The following ISM1 variants were observed in gnomAD, a reference collection of about 807,000 sequenced individuals.
The protein encoded by ISM1 is isthmin-1.
Under a neutral mutation model 46.3 loss-of-function variants are expected in ISM1, and 25 were observed. The ratio of observed to expected loss-of-function variants is 0.54; its 90% confidence interval spans 0.39 to 0.75. The LOEUF is 0.75. ISM1 is among the 30% of genes least tolerant of loss of function. The pLI is 0.00. For synonymous variants in ISM1, 255 were observed against 256.7 expected (o/e 0.99, Z 0.06); for missense variants, 536 against 625.4 (o/e 0.86, Z 1.52).
At chr20:13,270,381 G>A in intron 1 of ISM1, 123 bp from the exon 2 acceptor site, 2 of 1,077,428 alleles carry the variant, frequency 1.9e-6, no homozygotes, top group Non-Finnish European at 2.6e-6. Flanking sequence ...AGTTTGGAAT[G>A]CCCTACTGGC....
chr20:13,305,389 T>C (rs1206803028), downstream of ISM1, among the ~76,000 whole-genome samples: 1 of 152,108 alleles, frequency 6.6e-6, no homozygotes, highest in African/African-American at 2.4e-5. Flanking sequence ...AAGTGAGCAA[T>C]AGTGATCAAA....
rs757405471 is a variant in ISM1, at chr20:13,299,483, C to T, written c.*24C>T. The T allele has an allele frequency of 5.1e-6, 8 of 1,573,600 alleles. No individual in the cohort carries two copies. In the Admixed American group the frequency reaches 1.2e-4, roughly 23 times the overall value. ...AAAGAGACTGGGATGAGGTGGAGGACGCTGCCTCTGGTTCTGGAGCACACA... is the reference window on the plus strand; with the variant it reads ...AAAGAGACTGGGATGAGGTGGAGGATGCTGCCTCTGGTTCTGGAGCACACA... On this transcript the variant is annotated 3_prime_UTR_variant, in exon 6 of 6. Transcript: ENST00000262487. The surrounding 1 kb of genome is among the most constrained non-coding windows in gnomAD (Gnocchi z 5.8).
At chr20:13,303,639 C>A (rs183142204), downstream of ISM1, among the ~76,000 whole-genome samples, 78 of 152,340 alleles carry the variant, frequency 5.1e-4, no homozygotes, top group African/African-American at 1.9e-3. Context: ...GGCCTGGACT[C>A]CAATCCTGAC....
chr20:13,243,336 G>A (rs747960399), intron 1 of ISM1, among the ~76,000 whole-genome samples: 3 of 152,172 alleles, frequency 2.0e-5, no homozygotes, highest in Non-Finnish European at 4.4e-5. Context: ...GCTCAGAAGT[G>A]ACACACATCA....
At chr20:13,268,155 C>CTTCTCTTCTCTTCTCTTCT (rs1456221859) in intron 1 of ISM1, among the ~76,000 whole-genome samples, 105 of 69,090 alleles carry the variant, frequency 1.5e-3, no homozygotes, top group East Asian at 0.012. Flanking sequence ...TCTTCTCTTC[C>CTTCTCTTCTCTTCTCTTCT]CTTCCCTTCT....
chr20:13,310,323 G>T, the ISM1 span, among the ~76,000 whole-genome samples: 1 of 152,190 alleles, frequency 6.6e-6, no homozygotes, highest in Non-Finnish European at 1.5e-5. Context: ...ACACAATGGG[G>T]AAAGGGTGGT....
In ISM1 at chr20:13,280,817, G is replaced by A. The variant is rs557185671; in HGVS notation, c.643+919G>A. Among the ~76,000 whole-genome samples the A allele has an allele frequency of 3.9e-5, 6 of 152,328 alleles. No homozygotes were observed. In the East Asian group the frequency reaches 1.2e-3, roughly 29 times the overall value. ...TTCTCTGTGTGTCCAAGAAAAAGAG[G>A]AACCCAATTTGGCAAGCATCTGGCC... On this transcript the variant is annotated intron_variant, in intron 3 of 5. Transcript: ENST00000262487.
At chr20:13,248,936 G>T (rs771510800) in intron 1 of ISM1, among the ~76,000 whole-genome samples, 3 of 152,204 alleles carry the variant, frequency 2.0e-5, no homozygotes, top group African/African-American at 4.8e-5. Context: ...GAAAATACTG[G>T]TAGAAAGTGC....
chr20:13,301,351 G>A (rs2040456996), downstream of ISM1, among the ~76,000 whole-genome samples: 1 of 152,080 alleles, frequency 6.6e-6, no homozygotes, highest in Non-Finnish European at 1.5e-5. Context: ...ACCACGCCTG[G>A]CTAACTCTTG....
At chr20:13,320,312 G>T in the ISM1 span, among the ~76,000 whole-genome samples, 1 of 152,158 alleles carries the variant, frequency 6.6e-6, no homozygotes, top group Non-Finnish European at 1.5e-5. Flanking sequence ...GCAGAGTTCT[G>T]TGTGATACAT....
chr20:13,249,820 GTTTTGTTTTGTTTT>G (rs1009399711), intron 1 of ISM1, among the ~76,000 whole-genome samples: 1 of 140,540 alleles, frequency 7.1e-6, no homozygotes, highest in African/African-American at 2.7e-5. Context: ...GTTTTGTTTT[GTTTTGTTTTGTTTT>G]GTTTCCTGGC....
chr20:13,265,390 C>G lies in ISM1; in HGVS notation c.139-5114C>G, dbSNP rs188347358. On this transcript the variant is annotated intron_variant, in intron 1 of 5. Coordinates refer to ENST00000262487, the MANE Select transcript of ISM1 (RefSeq NM_080826.2). The stretch of plus-strand genomic sequence containing the variant: ...GTAACAGTAGGTTTTCTGGATTTCT[C>G]TCCTTCATGAGTATCCTTATGGATT... Among the ~76,000 whole-genome samples the G allele has an allele frequency of 2.1e-3, 317 of 152,280 alleles. 1 individual carries two copies. Among genetic ancestry groups the G allele is most frequent in the Non-Finnish European group, 3.8e-3 (261 of 68,026 alleles).
chr20:13,277,955 G>A (rs1201284148), intron 2 of ISM1, among the ~76,000 whole-genome samples: 1 of 152,206 alleles, frequency 6.6e-6, no homozygotes, highest in Non-Finnish European at 1.5e-5. Context: ...ACAAAAGGAA[G>A]GGGTTATTTG....
At chr20:13,318,137 A>AAATAAATAAATG in the ISM1 span, among the ~76,000 whole-genome samples, 1 of 614 alleles carries the variant, frequency 1.6e-3, no homozygotes, top group East Asian at 0.17. Flanking sequence ...ACACTTGAAA[A>AAATAAATAAATG]AATAAATAAA....
At chr20:13,272,507 C>A (rs1461995291) in intron 2 of ISM1, among the ~76,000 whole-genome samples, 1 of 152,216 alleles carries the variant, frequency 6.6e-6, no homozygotes, top group Non-Finnish European at 1.5e-5. Context: ...AGGAAAAGCA[C>A]TGTGTCCCAA....
chr20:13,281,647 G>GA lies in ISM1; in HGVS notation c.643+1755dup, dbSNP rs2040239282. Among the ~76,000 whole-genome samples, 3 of 152,134 alleles carry GA rather than the reference G, an allele frequency of 2.0e-5. No homozygotes were observed. In the South Asian group the frequency reaches 6.2e-4, roughly 32 times the overall value. ...CACTATACAATTCTGCCTTTCTGGG[G>GA]AAAAAAGTAGCACACCACTTAGGAC... On this transcript the variant is annotated intron_variant, in intron 3 of 5. Transcript: ENST00000262487.
intron 1 of ISM1, among the ~76,000 whole-genome samples, chr20:13,246,172 C>T (rs2039790963): frequency 6.6e-6 from 1 of 151,730 alleles, no homozygotes; most frequent in Admixed American, 6.6e-5. Flanking sequence ...ACTCGGGAGG[C>T]TGAGGCAGCA....
intron 1 of ISM1, among the ~76,000 whole-genome samples, chr20:13,250,746 G>T (rs2039859743): frequency 6.6e-6 from 1 of 152,116 alleles, no homozygotes; most frequent in South Asian, 2.1e-4. Context: ...GGAGTAATTG[G>T]CTCTCAGTAA....
intron 1 of ISM1, among the ~76,000 whole-genome samples, chr20:13,240,149 T>A (rs967131352): frequency 1.3e-5 from 2 of 152,244 alleles, no homozygotes; most frequent in African/African-American, 4.8e-5. Flanking sequence ...TTCCATTCAT[T>A]CATTCAGCAC....
Sources: gnomAD v4.1 joint callset for allele counts (sites outside exome capture counted in the v4.1 genomes callset) on GRCh38, gnomAD v4.1.1 for gene constraint, Gnocchi (gnomAD v3.1) non-coding constraint, MANE v1.5 for transcripts, NCBI Gene and HGNC (gene_info 2026-07-23, HGNC 2026-07-21) for gene names.